The following ZNF841 variants were observed in gnomAD, a reference collection of about 807,000 sequenced individuals.
ZNF841 encodes TCONS_00006091.
A neutral mutation model predicts 13.0 loss-of-function variants in ZNF841; 11 were observed. The observed-to-expected ratio is 0.85, with a 90% CI of 0.53 to 1.40. The LOEUF (loss-of-function observed/expected upper bound fraction) is 1.40, where lower values mean the gene tolerates loss of function less well. Among genes scored for constraint, ZNF841 ranks in the 40% most tolerant of loss-of-function variants. The pLI, the probability that ZNF841 is intolerant of heterozygous loss-of-function variation, is 0.00. For missense variants in ZNF841, 1,068 were observed against 1,139.5 expected (o/e 0.94, Z 0.90); for synonymous variants, 369 against 381.6 (o/e 0.97, Z 0.38).
At chr19:52,091,413 T>C (rs1334769723) in intron 2 of ZNF841, among the ~76,000 whole-genome samples, 2 of 152,202 alleles carry the variant, frequency 1.3e-5, no homozygotes, top group African/African-American at 2.4e-5. Flanking sequence ...AAGAACATGC[T>C]AGAGGCATCA....
rs1406572550 is a variant in ZNF841, at chr19:52,077,099, ACATTT to A, written c.16-20_16-16del. On this transcript the variant is annotated splice_polypyrimidine_tract_variant and intron_variant, in intron 4 of 6. Coordinates refer to ENST00000594440, the MANE Select transcript of ZNF841 (RefSeq NM_001136499.2). ...GTCAAAGATCCCTGAAATGAAAAAC[ACATTT>A]CAATATGAGCAGTGGGTGAGCTCTT... 1 of 1,601,816 alleles carries A rather than the reference ACATTT, an allele frequency of 6.2e-7. No homozygotes were observed. Among genetic ancestry groups the A allele is most frequent in the Non-Finnish European group, 8.5e-7 (1 of 1,174,454 alleles).
chr19:52,090,955 G>A (rs1180575887), intron 2 of ZNF841, among the ~76,000 whole-genome samples: 2 of 152,154 alleles, frequency 1.3e-5, no homozygotes, highest in African/African-American at 2.4e-5. Flanking sequence ...ATGCAGTCGT[G>A]CAAGCCTGCA....
chr19:52,088,120 T>C (rs1021286415), intron 3 of ZNF841, among the ~76,000 whole-genome samples: 5 of 151,518 alleles, frequency 3.3e-5, no homozygotes, highest in Non-Finnish European at 7.4e-5. Flanking sequence ...AGTTGCATGA[T>C]TCCTGCACTC....
intron 6 of ZNF841, among the ~76,000 whole-genome samples, chr19:52,074,412 C>T (rs2087830801): frequency 6.6e-6 from 1 of 152,186 alleles, no homozygotes; most frequent in African/African-American, 2.4e-5. Context: ...CAAAGTCGTA[C>T]TCACTATAAA....
At chr19:52,093,613 G>A (rs2088577728) in intron 2 of ZNF841, among the ~76,000 whole-genome samples, 1 of 151,998 alleles carries the variant, frequency 6.6e-6, no homozygotes, top group South Asian at 2.1e-4. Flanking sequence ...TAAATTATGG[G>A]GTAAAAGTTC....
chr19:52,076,442 G>C, intron 5 of ZNF841: 1 of 351,378 alleles, frequency 2.8e-6, no homozygotes, highest in Non-Finnish European at 5.4e-6. Context: ...ACGGGAAGAT[G>C]ACTTGAGCAC....
chr19:52,064,353 CAAAAAAAAAA>C (rs56135758), downstream of ZNF841: 601 of 35,138 alleles, frequency 0.017, 2 homozygotes, highest in African/African-American at 0.043. Flanking sequence ...ACTCCGTCTC[CAAAAAAAAAA>C]AAAAAAAAAA....
intron 6 of ZNF841, among the ~76,000 whole-genome samples, chr19:52,073,498 A>G (rs1417781402): frequency 6.6e-6 from 1 of 152,022 alleles, no homozygotes; most frequent in East Asian, 1.9e-4. Context: ...ACAGGGATTC[A>G]CCATGTTGGT....
In ZNF841 at chr19:52,065,087, G is replaced by A. The variant is rs764260571; in HGVS notation, c.*20C>T. The A allele has an allele frequency of 6.8e-7, 1 of 1,466,348 alleles. No individual in the cohort carries two copies. The highest frequency in any genetic ancestry group is 2.7e-5 in the Admixed American group (1 of 36,776). The allele number at this position is 1,466,348 out of a possible 1,614,324, so 90.8% of individuals were successfully genotyped here. A position where few individuals can be genotyped will look rare whatever the true frequency, so the allele number is the denominator to read the frequency against. Reference sequence around the variant, plus strand: ...TCAAAGGGAAAGGACAAATATACAAGCTATATGAGTAAGTATAAATTATTT... The same window carrying A: ...TCAAAGGGAAAGGACAAATATACAAACTATATGAGTAAGTATAAATTATTT... On this transcript the variant is annotated 3_prime_UTR_variant, in exon 7 of 7. Transcript: ENST00000594440.
chr19:52,089,937 C>T lies in ZNF841; in HGVS notation c.-143-935G>A, dbSNP rs376341444. 5.3e-5 allele frequency among the ~76,000 whole-genome samples: 8 copies of T among 152,220 alleles called. 1 individual carries two copies. The South Asian group carries it at 1.7e-3, about 32-fold the overall frequency. On this transcript the variant is annotated intron_variant, in intron 2 of 6. Coordinates refer to ENST00000594440, the MANE Select transcript of ZNF841 (RefSeq NM_001136499.2). The stretch of plus-strand genomic sequence containing the variant: ...GGATCTCTGGGCACATGCAACACAG[C>T]AGGAGTGTACACAAACTGCAAACTG...
At chr19:52,086,994 C>G (rs2088296976) in intron 3 of ZNF841, among the ~76,000 whole-genome samples, 1 of 152,180 alleles carries the variant, frequency 6.6e-6, no homozygotes. Flanking sequence ...GAGGGGTACT[C>G]ACTACAGGCA....
Position 52,065,938 on chromosome 19 carries a change from G to T in ZNF841, c.1944C>A (p.Thr648=), listed in dbSNP as rs367698968. 8 of 1,613,716 alleles carry T rather than the reference G, an allele frequency of 5.0e-6. No individual in the cohort carries two copies. ...SCLARHRKIH[T]GEKPYKCNDC... ...CATTACATTTATAAGGTTTCTCTCCGGTATGAATTTTCCGATGACGTGCTA... is the reference window on the plus strand; with the variant it reads ...CATTACATTTATAAGGTTTCTCTCCTGTATGAATTTTCCGATGACGTGCTA... The change falls in exon 7 of 7, where the codon ACC becomes ACA. Residue 648 remains threonine, a synonymous_variant. Coordinates refer to ENST00000594440, the MANE Select transcript of ZNF841 (RefSeq NM_001136499.2).
rs2087510847 is a variant in ZNF841 at position 52,065,335 on chromosome 19, G to C, written c.2547C>G (p.Tyr849Ter). The C allele has an allele frequency of 6.2e-7, 1 of 1,609,528 alleles. No homozygotes were observed. Among genetic ancestry groups the C allele is most frequent in the Non-Finnish European group, 8.5e-7 (1 of 1,177,592 alleles). Residue 849 changes from tyrosine (Y) to a stop codon, truncating the protein, a stop_gained, in exon 7 of 7, where the codon TAC (tyrosine) becomes TAG (stop). Transcript: ENST00000594440. LOFTEE classifies it low-confidence loss of function (END_TRUNC). The stretch of plus-strand genomic sequence containing the variant: ...ACGCCTTGCCACATTCCATACATTT[G>C]TATGGCTTCTCTCCAGTATGGTTTC... ...HQRNHTGEKP[Y>*]KCMECGKAFG...
chr19:52,067,560 T>C lies in ZNF841; in HGVS notation c.322A>G (p.Asn108Asp), dbSNP rs1293209491. 1 of 1,597,790 alleles carries C rather than the reference T, an allele frequency of 6.3e-7. No homozygotes were observed. The highest frequency in any genetic ancestry group is 1.8e-5 in the Admixed American group (1 of 56,548). ...ACTGCTTGGAATTTTTCTCCTGTGT[T>C]ACTGTTCTGTATTGGTGGTAATTCC... Reference protein sequence around the residue: ...IKELPPIQNSNTGEKFQAVML... With the variant: ...IKELPPIQNSDTGEKFQAVML... The change falls in exon 7 of 7, where the codon AAC becomes GAC. Residue 108 changes from asparagine to aspartate, a missense_variant. Asn to Asp is a conservative substitution (Grantham distance 23, BLOSUM62 1). Transcript: ENST00000594440.
chr19:52,062,623 T>C (rs989834860), downstream of ZNF841, among the ~76,000 whole-genome samples: 10 of 152,162 alleles, frequency 6.6e-5, no homozygotes, highest in African/African-American at 2.4e-4. Flanking sequence ...CTTCATACTT[T>C]AGGATGAAGG....
intron 4 of ZNF841, among the ~76,000 whole-genome samples, chr19:52,081,705 T>C (rs1298475445): frequency 6.6e-6 from 1 of 152,062 alleles, no homozygotes; most frequent in Non-Finnish European, 1.5e-5. Context: ...AGTACAAAAA[T>C]TAGGCAGGTG....
chr19:52,066,912 T>C lies in ZNF841; in HGVS notation c.970A>G (p.Arg324Gly), dbSNP rs1423867647. The stretch of plus-strand genomic sequence containing the variant: ...AGATCTGAATTTTGTCTGAAGATCC[T>C]GCCACATACATCACATTGGTATGGT... ...GKPYQCDVCGRIFRQNSDLVN... is the reference protein window; with the variant it reads ...GKPYQCDVCGGIFRQNSDLVN... The change falls in exon 7 of 7, where the codon AGG (arginine) becomes GGG (glycine). Residue 324 changes from arginine (R) to glycine (G), a missense_variant. Coordinates refer to ENST00000594440, the MANE Select transcript of ZNF841 (RefSeq NM_001136499.2). 1.2e-6 allele frequency: 2 copies of C among 1,614,086 alleles called. No individual in the cohort carries two copies. Among genetic ancestry groups the C allele is most frequent in the Admixed American group, 1.7e-5 (1 of 60,002 alleles).
rs922258642 is a variant in ZNF841 at position 52,067,196 on chromosome 19, C to G, written c.686G>C (p.Gly229Ala). ...TTTCCTAGAAATGTTGGTTTGGACA[C>G]CAGGAAAAATTCTTTGAAGTGGTGA... is the stretch of plus-strand genomic sequence containing the variant. ...LASPLQRIFP[G>A]VQTNISRKYG... The change falls in exon 7 of 7, where the codon GGT becomes GCT. Residue 229 changes from glycine (G) to alanine (A), a missense_variant. By Grantham distance (60) the Gly-to-Ala change is moderately conservative. Coordinates refer to ENST00000594440, the MANE Select transcript of ZNF841 (RefSeq NM_001136499.2). 1.3e-6 allele frequency: 2 copies of G among 1,550,274 alleles called. No homozygotes were observed. Among genetic ancestry groups the G allele is most frequent in the African/African-American group, 2.7e-5 (2 of 72,920 alleles).
At chr19:52,072,145 G>A (rs1415830533) in intron 6 of ZNF841, among the ~76,000 whole-genome samples, 1 of 152,142 alleles carries the variant, frequency 6.6e-6, no homozygotes, top group African/African-American at 2.4e-5. Context: ...TTCACTAGGA[G>A]GATATAACAA....
Sources: gnomAD v4.1 joint callset for allele counts (sites outside exome capture counted in the v4.1 genomes callset) on GRCh38, gnomAD v4.1.1 for gene constraint, MANE v1.5 for transcripts, NCBI Gene and HGNC (gene_info 2026-07-23, HGNC 2026-07-21) for gene names.